DHRS9: variants seen among roughly 807,000 people sequenced by gnomAD.
The protein encoded by DHRS9 is dehydrogenase/reductase SDR family member 9.
In DHRS9, 18 loss-of-function variants were observed where a neutral mutation model predicts 26.6. The ratio of observed to expected loss-of-function variants is 0.68; its 90% CI spans 0.47 to 1.00. The LOEUF is 1.00. Among genes scored for constraint, DHRS9 ranks in the 50% least tolerant of loss-of-function variants. DHRS9 has a pLI of 0.00. For synonymous variants in DHRS9, 134 were observed against 141.1 expected (o/e 0.95, Z 0.36); for missense variants, 425 against 378.7 (o/e 1.12, Z -1.01).
rs771616595 is a variant in DHRS9 at position 169,083,612 on chromosome 2, A to G, written c.572+25A>G. 3 of 1,608,540 alleles carry G rather than the reference A, an allele frequency of 1.9e-6. No homozygotes were observed. The African/African-American group carries it at 4.0e-5, about 22-fold the overall frequency. On this transcript the variant is annotated intron_variant, in intron 3 of 4. Transcript: ENST00000674881. Reference sequence around the variant, plus strand: ...GGTAAATCAAATTAATCAACTTATTAGGAAACAATAGCTGCAAACGTTTAC... The same window carrying G: ...GGTAAATCAAATTAATCAACTTATTGGGAAACAATAGCTGCAAACGTTTAC...
At chr2:169,085,868 T>C (rs1461487797) in intron 3 of DHRS9, among the ~76,000 whole-genome samples, 1 of 152,210 alleles carries the variant, frequency 6.6e-6, no homozygotes, top group Admixed American at 6.5e-5. Flanking sequence ...CTCCATTGTA[T>C]GTTATTTGTT....
At position 169,095,721 on chromosome 2, in the gene DHRS9, T is replaced by C. The variant is rs1181674246; in HGVS notation, c.914T>C (p.Leu305Ser). Residue 305 changes from leucine to serine, a missense_variant, in exon 5 of 5, where the codon TTA (leucine) becomes TCA (serine). Physicochemically the swap from Leu to Ser is moderately radical, Grantham distance 145. Coordinates refer to ENST00000674881, the MANE Select transcript of DHRS9 (RefSeq NM_001376924.1). ...SHMPAALQDF[L>S]LLKQKAELAN... is the part of the protein sequence containing the mutation. ...ATGCCAGCAGCTTTGCAAGACTTTT[T>C]ATTGTTGAAACAGAAAGCAGAGCTG... The C allele has an allele frequency of 1.1e-5, 17 of 1,613,924 alleles. No homozygotes were observed. The highest frequency in any genetic ancestry group is 1.4e-5 in the Non-Finnish European group (17 of 1,179,864).
At chr2:169,082,809 C>G (rs973044178) in intron 2 of DHRS9, among the ~76,000 whole-genome samples, 1 of 141,278 alleles carries the variant, frequency 7.1e-6, no homozygotes, top group African/African-American at 2.7e-5. Context: ...TTTGTTCTCA[C>G]TCATAGGTGG....
chr2:169,085,386 A>C (rs928256535), intron 3 of DHRS9, among the ~76,000 whole-genome samples: 6 of 152,100 alleles, frequency 3.9e-5, no homozygotes, highest in Admixed American at 3.9e-4. Flanking sequence ...TGGTATTTTG[A>C]TAGGAATTGC....
At chr2:169,073,343 A>T (rs188234890) in intron 1 of DHRS9, among the ~76,000 whole-genome samples, 201 of 152,356 alleles carry the variant, frequency 1.3e-3, no homozygotes, top group Non-Finnish European at 9.1e-4. Flanking sequence ...TACAGTGAAG[A>T]TAATTTTGTC....
intron 1 of DHRS9, chr2:169,070,031 T>C: frequency 5.4e-6 from 5 of 917,898 alleles, no homozygotes; most frequent in Non-Finnish European, 6.5e-6. Context: ...TATCTGTGAA[T>C]CTTATGATTA....
Position 169,081,737 on chromosome 2 carries a change from G to C in DHRS9, c.156G>C (p.Lys52Asn), listed in dbSNP as rs772373256. The C allele has an allele frequency of 1.1e-5, 18 of 1,614,048 alleles. No homozygotes were observed. In the South Asian group the frequency reaches 2.0e-4, roughly 18 times the overall value. Residue 52 changes from lysine (K) to asparagine (N), a missense_variant, in exon 2 of 5, where the codon AAG becomes AAC. Transcript: ENST00000674881. Reference sequence around the variant, plus strand: ...TGGCAGCCAGAACTTTTGATAAAAAGGGATTTCATGTAATCGCTGCCTGTC... The same window carrying C: ...TGGCAGCCAGAACTTTTGATAAAAACGGATTTCATGTAATCGCTGCCTGTC... ...GNLAARTFDKKGFHVIAACLT... is the reference protein window; with the variant it reads ...GNLAARTFDKNGFHVIAACLT...
Position 169,093,342 on chromosome 2 carries a change from ACG to A in DHRS9, c.736+1391_736+1392del, listed in dbSNP as rs1491398280. Among the ~76,000 whole-genome samples, 88 of 151,160 alleles carry A rather than the reference ACG, an allele frequency of 5.8e-4. No homozygotes were observed. In the South Asian group the frequency reaches 0.018, roughly 30 times the overall value. ...CCACCATTACCCTAAACACACACAC[ACG>A]CACACACACACACATGCACACACAC... On this transcript the variant is annotated intron_variant, in intron 4 of 4. Coordinates refer to ENST00000674881, the MANE Select transcript of DHRS9 (RefSeq NM_001376924.1).
In DHRS9 at chr2:169,095,869, A is replaced by G; in HGVS notation, c.*102A>G. ...TCCTTATCTGCTCCAACCTGGACTC[A>G]TTTAGATCGTGCTTATTTGGATTGC... On this transcript the variant is annotated 3_prime_UTR_variant, in exon 5 of 5. Transcript: ENST00000674881. 9.5e-7 allele frequency: 1 copy of G among 1,055,136 alleles called. No homozygotes were observed. The highest frequency in any genetic ancestry group is 1.5e-5 in the South Asian group (1 of 66,990). 65.4% of individuals were successfully genotyped at this position (1,055,136 alleles called of 1,614,324 possible).
Position 169,093,331 on chromosome 2 carries a change from A to AACACACACACACACAC in DHRS9, c.736+1390_736+1391insACACACACACACACAC, listed in dbSNP as rs58377569. Among the ~76,000 whole-genome samples the AACACACACACACACAC allele has an allele frequency of 1.1e-4, 16 of 151,032 alleles. No individual in the cohort carries two copies. The South Asian group carries it at 2.1e-3, about 20-fold the overall frequency. ...GACTCCTCCAACCACCATTACCCTA[A>AACACACACACACACAC]ACACACACACACGCACACACACACA... On this transcript the variant is annotated intron_variant, in intron 4 of 4. Coordinates refer to ENST00000674881, the MANE Select transcript of DHRS9 (RefSeq NM_001376924.1).
intron 1 of DHRS9, among the ~76,000 whole-genome samples, chr2:169,075,063 T>C (rs1409807408): frequency 6.6e-6 from 1 of 152,146 alleles, no homozygotes; most frequent in African/African-American, 2.4e-5. Flanking sequence ...TTGGTAGTTG[T>C]AGAGGTGAGC....
At chr2:169,070,538 T>G (rs1246875310) in intron 1 of DHRS9, 1 of 985,294 alleles carries the variant, frequency 1.0e-6, no homozygotes, top group Non-Finnish European at 1.2e-6. Context: ...CGGCATATAT[T>G]AACTGCTCTA....
chr2:169,081,704 T>C lies in DHRS9; in HGVS notation c.123T>C (p.Phe41=), dbSNP rs746975031. ...TTATCACTGGATGTGACTCGGGCTT[T>C]GGAAACTTGGCAGCCAGAACTTTTG... ...YIFITGCDSG[F]GNLAARTFDK... The change falls in exon 2 of 5, where the codon TTT becomes TTC. Residue 41 remains phenylalanine, a synonymous_variant. Coordinates refer to ENST00000674881, the MANE Select transcript of DHRS9 (RefSeq NM_001376924.1). 1 of 1,614,098 alleles carries C rather than the reference T, an allele frequency of 6.2e-7. No individual in the cohort carries two copies. Among genetic ancestry groups the C allele is most frequent in the Non-Finnish European group, 8.5e-7 (1 of 1,180,036 alleles).
Position 169,095,915 on chromosome 2 carries a change from C to A in DHRS9, c.*148C>A. ...ATTGCAAAAGGGAGTCCCACCATCG[C>A]TGGTGGTATCCCAGGGTCCCTGCTC... is the stretch of plus-strand genomic sequence containing the variant. On this transcript the variant is annotated 3_prime_UTR_variant, in exon 5 of 5. Transcript: ENST00000674881. The A allele has an allele frequency of 1.4e-6, 1 of 719,346 alleles. No homozygotes were observed. The highest frequency in any genetic ancestry group is 2.3e-6 in the Non-Finnish European group (1 of 430,282). 44.6% of individuals were successfully genotyped at this position (719,346 alleles called of 1,614,324 possible).
At chr2:169,094,141 G>GAT (rs1333792317) in intron 4 of DHRS9, among the ~76,000 whole-genome samples, 1 of 152,176 alleles carries the variant, frequency 6.6e-6, no homozygotes, top group East Asian at 1.9e-4. Flanking sequence ...AATGTGAGGT[G>GAT]ATATCTCATT....
Position 169,091,793 on chromosome 2 carries a change from G to A in DHRS9, c.576G>A (p.Arg192=), listed in dbSNP as rs747807587. ...CTTCAATGGGTTCTTTTCACAGACG[G>A]GACATGAAAGCTTTTGGTGTGCACG... ...AVEGFNDSLR[R]DMKAFGVHVS... is the part of the protein sequence containing the mutation. The change falls in exon 4 of 5, where the codon CGG becomes CGA. Residue 192 remains arginine (R), a synonymous_variant. Transcript: ENST00000674881. 1 of 1,607,696 alleles carries A rather than the reference G, an allele frequency of 6.2e-7. No individual in the cohort carries two copies. Among genetic ancestry groups the A allele is most frequent in the South Asian group, 1.1e-5 (1 of 90,396 alleles).
At chr2:169,079,940 A>AGC (rs1558951497) in intron 1 of DHRS9, among the ~76,000 whole-genome samples, 6 of 36,958 alleles carry the variant, frequency 1.6e-4, no homozygotes, top group Non-Finnish European at 3.0e-4. Flanking sequence ...AGAGAGAGAG[A>AGC]GAGAGAGAGA....
At chr2:169,089,759 C>A (rs1001513425) in intron 3 of DHRS9, among the ~76,000 whole-genome samples, 1 of 152,170 alleles carries the variant, frequency 6.6e-6, no homozygotes, top group Non-Finnish European at 1.5e-5. Flanking sequence ...TTCCAAAAAA[C>A]TAATGTGCAT....
chr2:169,080,010 A>G (rs1388914344), intron 1 of DHRS9, among the ~76,000 whole-genome samples: 1 of 116,282 alleles, frequency 8.6e-6, no homozygotes, highest in African/African-American at 3.2e-5. Context: ...AGAAAGAAAG[A>G]AAGAAAGAAA....
Sources: gnomAD v4.1 joint callset for allele counts (sites outside exome capture counted in the v4.1 genomes callset) on GRCh38, gnomAD v4.1.1 for gene constraint, MANE v1.5 for transcripts, NCBI Gene and HGNC (gene_info 2026-07-23, HGNC 2026-07-21) for gene names.